The following KCNMA1 variants were observed in gnomAD, a reference collection of about 807,000 sequenced individuals.
The protein encoded by KCNMA1 is potassium calcium-activated channel subfamily M alpha 1, also known as Calcium-activated potassium channel subunit alpha-1.
KCNMA1 carries 29 observed loss-of-function variants against 140.0 expected under a neutral mutation model. The ratio of observed to expected loss-of-function variants is 0.21; its 90% CI spans 0.15 to 0.28. The LOEUF is 0.28. Ranked by LOEUF, KCNMA1 falls within the 10% of genes least tolerant of loss-of-function variation. The pLI, the probability that KCNMA1 is intolerant of heterozygous loss-of-function variation, is 1.00. For missense variants in KCNMA1, 880 were observed against 1,602.2 expected (o/e 0.55, Z 7.70); for synonymous variants, 612 against 611.9 (o/e 1.00, Z 0.00).
chr10:77,256,264 G>A (rs1032627868), intron 2 of KCNMA1, among the ~76,000 whole-genome samples: 1 of 152,166 alleles, frequency 6.6e-6, no homozygotes, highest in Admixed American at 6.5e-5. Flanking sequence ...CTTTCAGCGG[G>A]TGTGTGAGGC....
chr10:77,408,725 T>A (rs538314208), intron 1 of KCNMA1, among the ~76,000 whole-genome samples: 29 of 152,236 alleles, frequency 1.9e-4, no homozygotes, highest in Non-Finnish European at 1.5e-4. Context: ...GGCCATCGCG[T>A]GGGGAGGCCA....
chr10:77,090,189 T>C (rs900271533), intron 10 of KCNMA1, among the ~76,000 whole-genome samples: 2 of 152,178 alleles, frequency 1.3e-5, no homozygotes. Flanking sequence ...AGAGGCAGAC[T>C]CTGCTCTCAT....
At chr10:77,469,878 A>AGTGGCC (rs2098114952) in intron 1 of KCNMA1, among the ~76,000 whole-genome samples, 1 of 152,212 alleles carries the variant, frequency 6.6e-6, no homozygotes, top group African/African-American at 2.4e-5. Flanking sequence ...ATGGCACCAC[A>AGTGGCC]GTGGCCGGGA....
intron 2 of KCNMA1, among the ~76,000 whole-genome samples, chr10:77,342,067 C>T (rs1369185192): frequency 1.3e-5 from 2 of 152,144 alleles, no homozygotes; most frequent in Non-Finnish European, 2.9e-5. Context: ...CTTTCCTGTG[C>T]CAACCTACTG....
At chr10:76,991,152 C>G (rs1384920873) in intron 19 of KCNMA1, among the ~76,000 whole-genome samples, 1 of 152,228 alleles carries the variant, frequency 6.6e-6, no homozygotes, top group East Asian at 1.9e-4. Flanking sequence ...CCTTTCCTCA[C>G]ATGAGCCCTG....
intron 2 of KCNMA1, among the ~76,000 whole-genome samples, chr10:77,327,351 A>ATTG (rs796732212): frequency 4.8e-4 from 73 of 151,190 alleles, no homozygotes; most frequent in African/African-American, 1.7e-3. Context: ...TTTTGTTGTT[A>ATTG]TTGTTGTTGT....
At chr10:77,600,276 T>C (rs986007187) in intron 1 of KCNMA1, among the ~76,000 whole-genome samples, 1 of 152,156 alleles carries the variant, frequency 6.6e-6, no homozygotes, top group African/African-American at 2.4e-5. Context: ...CCCAGAGTCA[T>C]CTGTAAAATG....
intron 1 of KCNMA1, among the ~76,000 whole-genome samples, chr10:77,548,915 A>T (rs998039540): frequency 2.0e-5 from 3 of 152,152 alleles, no homozygotes; most frequent in African/African-American, 7.2e-5. Context: ...TGGAGCTTAC[A>T]CTCTGGGGTT....
At chr10:77,219,732 G>A (rs1162471502) in intron 3 of KCNMA1, among the ~76,000 whole-genome samples, 1 of 152,122 alleles carries the variant, frequency 6.6e-6, no homozygotes, top group African/African-American at 2.4e-5. Context: ...CAATTCTCTT[G>A]CCTCAGCCTC....
intron 2 of KCNMA1, among the ~76,000 whole-genome samples, chr10:77,261,709 G>T (rs544490257): frequency 1.2e-4 from 19 of 152,208 alleles, no homozygotes; most frequent in African/African-American, 3.9e-4. Flanking sequence ...AAACTTAAAA[G>T]GTTGCTTTTT....
At chr10:77,054,328 C>A (rs141692284) in intron 14 of KCNMA1, among the ~76,000 whole-genome samples, 3 of 152,174 alleles carry the variant, frequency 2.0e-5, no homozygotes, top group Admixed American at 6.5e-5. Flanking sequence ...TCTTAAGAAA[C>A]TATACCTATT....
intron 2 of KCNMA1, among the ~76,000 whole-genome samples, chr10:77,335,196 AT>A (rs1222719099): frequency 6.6e-6 from 1 of 152,120 alleles, no homozygotes; most frequent in African/African-American, 2.4e-5. Flanking sequence ...CACAAGCGGT[AT>A]AGTTGCAGGG....
At chr10:76,924,487 T>C (rs1318936494) in intron 23 of KCNMA1, among the ~76,000 whole-genome samples, 1 of 152,188 alleles carries the variant, frequency 6.6e-6, no homozygotes, top group Non-Finnish European at 1.5e-5. Context: ...TTTATTTATG[T>C]AATGAAAAAA....
intron 19 of KCNMA1, chr10:76,970,326 T>TAA: frequency 1.6e-5 from 2 of 123,476 alleles, no homozygotes; most frequent in Non-Finnish European, 1.4e-5. Context: ...CACCCTGCCA[T>TAA]AAGAAAAAAA....
chr10:77,508,761 C>T (rs1464966107), intron 1 of KCNMA1, among the ~76,000 whole-genome samples: 3 of 151,974 alleles, frequency 2.0e-5, no homozygotes, highest in Non-Finnish European at 4.4e-5. Context: ...AGAATTTTTT[C>T]ATCAACCCAT....
chr10:76,959,067 G>A (rs1369991325), intron 20 of KCNMA1, among the ~76,000 whole-genome samples: 5 of 151,944 alleles, frequency 3.3e-5, no homozygotes, highest in South Asian at 2.1e-4. Context: ...AAAGGTTTTC[G>A]GCCAATATCC....
At chr10:76,878,226 G>A (rs1385574788) in intron 29 of KCNMA1, among the ~76,000 whole-genome samples, 2 of 152,146 alleles carry the variant, frequency 1.3e-5, no homozygotes, top group African/African-American at 4.8e-5. Flanking sequence ...GTGGGGAGGG[G>A]ATGTTGCATA....
intron 5 of KCNMA1, among the ~76,000 whole-genome samples, chr10:77,171,474 CTGGTTTA>C (rs1281152063): frequency 6.0e-5 from 9 of 151,036 alleles, no homozygotes; most frequent in Non-Finnish European, 8.8e-5. Context: ...GTATGTTCCT[CTGGTTTA>C]AGAACCACCA....
chr10:76,967,719 C>G (rs1168016786), intron 20 of KCNMA1, among the ~76,000 whole-genome samples: 1 of 152,142 alleles, frequency 6.6e-6, no homozygotes, highest in Non-Finnish European at 1.5e-5. Context: ...TGGGATAAGA[C>G]ATCCCAGCGA....
Sources: gnomAD v4.1 joint callset for allele counts (sites outside exome capture counted in the v4.1 genomes callset) on GRCh38, gnomAD v4.1.1 for gene constraint, MANE v1.5 for transcripts, NCBI Gene and HGNC (gene_info 2026-07-23, HGNC 2026-07-21) for gene names.